ESR1: variants seen among roughly 807,000 people sequenced by gnomAD.
The protein encoded by ESR1 is estrogen receptor.
A neutral mutation model predicts 52.7 loss-of-function variants in ESR1; 12 were observed. The ratio of observed to expected loss-of-function variants is 0.23; its 90% CI spans 0.15 to 0.37. The LOEUF (loss-of-function observed/expected upper bound fraction) is 0.37. ESR1 is among the 10% of genes least tolerant of loss of function. The pLI, the probability that ESR1 is intolerant of heterozygous loss-of-function variation, is 1.00. For missense variants in ESR1, 584 were observed against 779.7 expected (o/e 0.75, Z 2.99); for synonymous variants, 305 against 316.8 (o/e 0.96, Z 0.39).
At chr6:151,980,129 G>T (rs531611416) in intron 4 of ESR1, among the ~76,000 whole-genome samples, 1 of 152,154 alleles carries the variant, frequency 6.6e-6, no homozygotes, top group South Asian at 2.1e-4. Flanking sequence ...AAAGTTAGCC[G>T]TTTTGTTGGT....
intron 4 of ESR1, among the ~76,000 whole-genome samples, chr6:151,975,940 A>G (rs1020531129): frequency 6.6e-6 from 1 of 152,178 alleles, no homozygotes; most frequent in Admixed American, 6.5e-5. Flanking sequence ...TTAACTGGGT[A>G]GGCAGTGTGA....
upstream of ESR1, among the ~76,000 whole-genome samples, chr6:151,802,716 T>A (rs1777384191): frequency 6.6e-6 from 1 of 152,186 alleles, no homozygotes; most frequent in South Asian, 2.1e-4. Context: ...AGACCGGGCG[T>A]GATGGCTCAT....
intron 1 of ESR1, among the ~76,000 whole-genome samples, chr6:151,692,034 A>C (rs971662466): frequency 2.0e-5 from 3 of 152,214 alleles, no homozygotes; most frequent in Admixed American, 6.5e-5. Flanking sequence ...TTTCCTTAAG[A>C]ATACAAGCGT....
At chr6:151,731,355 C>G (rs1159720878) in intron 2 of ESR1, among the ~76,000 whole-genome samples, 4 of 149,348 alleles carry the variant, frequency 2.7e-5, no homozygotes, top group Non-Finnish European at 5.9e-5. Flanking sequence ...GACTCCATCT[C>G]TCAAGAAAAA....
At chr6:152,028,710 C>G (rs1481679921) in intron 5 of ESR1, among the ~76,000 whole-genome samples, 1 of 152,246 alleles carries the variant, frequency 6.6e-6, no homozygotes, top group East Asian at 1.9e-4. Context: ...TAGACTCCAC[C>G]TCTGGGGGCA....
chr6:151,869,961 T>C (rs552963560), intron 2 of ESR1, among the ~76,000 whole-genome samples: 19 of 152,350 alleles, frequency 1.2e-4, no homozygotes, highest in Admixed American at 3.3e-4. Context: ...GATGTGGTTG[T>C]GAAATAGTTC....
intron 2 of ESR1, among the ~76,000 whole-genome samples, chr6:151,792,863 C>A (rs1461493385): frequency 6.6e-6 from 1 of 152,064 alleles, no homozygotes; most frequent in Non-Finnish European, 1.5e-5. Flanking sequence ...AAGCTTTTTT[C>A]TGTTTAAGTT....
chr6:151,831,367 T>G (rs968770302), intron 1 of ESR1, among the ~76,000 whole-genome samples: 1 of 152,128 alleles, frequency 6.6e-6, no homozygotes, highest in Non-Finnish European at 1.5e-5. Flanking sequence ...CTCTAACTCT[T>G]GGGCTGAAGC....
intron 2 of ESR1, among the ~76,000 whole-genome samples, chr6:151,759,880 AG>A (rs1784545399): frequency 6.6e-6 from 1 of 152,218 alleles, no homozygotes; most frequent in Non-Finnish European, 1.5e-5. Context: ...TTGGTGCAAA[AG>A]TAACTGCGGT....
At chr6:151,895,919 C>T (rs1478436832) in intron 3 of ESR1, among the ~76,000 whole-genome samples, 10 of 152,192 alleles carry the variant, frequency 6.6e-5, no homozygotes, top group South Asian at 2.1e-4. Flanking sequence ...CTCCCTGAGT[C>T]GCTAGGATTA....
intron 2 of ESR1, among the ~76,000 whole-genome samples, chr6:151,861,853 G>A (rs762812030): frequency 8.6e-5 from 13 of 151,926 alleles, no homozygotes; most frequent in African/African-American, 2.7e-4. Flanking sequence ...GATTTTTTGC[G>A]TAGGACCAAG....
At chr6:151,908,385 A>G (rs936259032) in intron 3 of ESR1, among the ~76,000 whole-genome samples, 4 of 152,112 alleles carry the variant, frequency 2.6e-5, no homozygotes, top group African/African-American at 7.2e-5. Flanking sequence ...ACTTAGCTCT[A>G]TTTTAGGCAA....
chr6:151,719,252 T>C (rs990974742), intron 2 of ESR1, among the ~76,000 whole-genome samples: 2 of 152,070 alleles, frequency 1.3e-5, no homozygotes, highest in Non-Finnish European at 2.9e-5. Flanking sequence ...TGATTAACAA[T>C]AAACTTAAGT....
rs539449294 is a variant in ESR1, at chr6:152,125,256, C to G, written c.851-10C>G. 9 of 1,549,764 alleles carry G rather than the reference C, an allele frequency of 5.8e-6. No homozygotes were observed. In the African/African-American group the frequency reaches 1.2e-4, roughly 21 times the overall value. ...TGGTAATGGTAATTCAGGTCGTATT[C>G]ATTTCACAGGTATCTCACATGTAGA... On this transcript the variant is annotated splice_polypyrimidine_tract_variant and intron_variant, in intron 6 of 6. Transcript: ENST00000427531.
intron 5 of ESR1, among the ~76,000 whole-genome samples, chr6:152,020,419 T>C (rs1315008320): frequency 6.6e-6 from 1 of 152,074 alleles, no homozygotes; most frequent in Non-Finnish European, 1.5e-5. Context: ...TTGGATCTCT[T>C]CTATGACAAC....
At chr6:152,095,658 G>C (rs754190548) in intron 7 of ESR1, among the ~76,000 whole-genome samples, 6 of 152,160 alleles carry the variant, frequency 3.9e-5, no homozygotes, top group Admixed American at 1.3e-4. Context: ...ATGTTGCCGG[G>C]GTCATGACTA....
intron 2 of ESR1, among the ~76,000 whole-genome samples, chr6:151,859,519 C>A (rs965599010): frequency 6.6e-6 from 1 of 152,108 alleles, no homozygotes; most frequent in Admixed American, 6.5e-5. Flanking sequence ...TGCAACCAGA[C>A]CTTAGTGATC....
intron 1 of ESR1, among the ~76,000 whole-genome samples, chr6:151,679,757 G>T (rs1364914295): frequency 6.6e-6 from 1 of 152,124 alleles, no homozygotes; most frequent in Non-Finnish European, 1.5e-5. Context: ...CTGCACTAGT[G>T]TCCTTTTTGT....
chr6:151,807,752 A>G lies in ESR1; in HGVS notation c.-161A>G. 1 of 739,196 alleles carries G rather than the reference A, an allele frequency of 1.4e-6. No homozygotes were observed. Among genetic ancestry groups the G allele is most frequent in the Non-Finnish European group, 2.3e-6 (1 of 431,200 alleles). The allele number at this position is 739,196 out of a possible 1,614,324, so 45.8% of individuals were successfully genotyped here. A position where few individuals can be genotyped will look rare whatever the true frequency, so the allele number is the denominator to read the frequency against. ...GGTCGCCCGGCTTCACCGGACCCGC[A>G]GGCTCCCGGGGCAGGGCCGGGGCCA... On this transcript the variant is annotated 5_prime_UTR_variant, in exon 1 of 8. Transcript: ENST00000206249.
Sources: gnomAD v4.1 joint callset for allele counts (sites outside exome capture counted in the v4.1 genomes callset) on GRCh38, gnomAD v4.1.1 for gene constraint, MANE v1.5 for transcripts, NCBI Gene and HGNC (gene_info 2026-07-23, HGNC 2026-07-21) for gene names.